UBR4: variants seen among roughly 807,000 people sequenced by gnomAD.
UBR4 encodes E3 ubiquitin-protein ligase UBR4.
Under a neutral mutation model 575.6 loss-of-function variants are expected in UBR4, and 124 were observed. That is an observed-to-expected ratio of 0.22 (90% confidence interval 0.19 to 0.25). UBR4 has a LOEUF of 0.25. UBR4 is among the 10% of genes least tolerant of loss of function. The probability of loss-of-function intolerance (pLI) is 1.00; values close to 1 mark genes in which losing one functional copy is unlikely to be tolerated. For missense variants in UBR4, 4,818 were observed against 6,478.8 expected, an observed-to-expected ratio of 0.74 and a Z score of 8.80; for synonymous variants, 2,455 against 2,473.7, an observed-to-expected ratio of 0.99 and a Z score of 0.22.
intron 60 of UBR4, among the ~76,000 whole-genome samples, chr1:19,133,146 A>G (rs906774649): frequency 3.3e-5 from 5 of 152,316 alleles, no homozygotes; most frequent in Admixed American, 6.5e-5. Flanking sequence ...CCTGACAAAG[A>G]CATCTCAAAG....
At chr1:19,191,300 G>A (rs892592499) in intron 11 of UBR4, among the ~76,000 whole-genome samples, 1 of 151,994 alleles carries the variant, frequency 6.6e-6, no homozygotes, top group Non-Finnish European at 1.5e-5. Context: ...GTGAAACCCC[G>A]TCTCTACTAA....
At chr1:19,206,547 G>C (rs1397028317) in intron 1 of UBR4, among the ~76,000 whole-genome samples, 1 of 152,074 alleles carries the variant, frequency 6.6e-6, no homozygotes, top group African/African-American at 2.4e-5. Context: ...TGTTAGCCAG[G>C]CTGGTCTCAA....
chr1:19,074,715 G>T lies in UBR4; in HGVS notation c.*117C>A. The T allele has an allele frequency of 1.7e-6, 2 of 1,176,212 alleles. No individual in the cohort carries two copies. The highest frequency in any genetic ancestry group is 1.2e-6 in the Non-Finnish European group (1 of 809,240). The allele number at this position is 1,176,212 out of a possible 1,614,324, so 72.9% of individuals were successfully genotyped here. ...AGCCACACCAAGAAAAATGAGAGAGGGGAGGGCGGGGTAACAATGCAGCAT... is the reference window on the plus strand; with the variant it reads ...AGCCACACCAAGAAAAATGAGAGAGTGGAGGGCGGGGTAACAATGCAGCAT... On this transcript the variant is annotated 3_prime_UTR_variant, in exon 106 of 106. Coordinates refer to ENST00000375254, the MANE Select transcript of UBR4 (RefSeq NM_020765.3).
chr1:19,194,971 TG>T lies in UBR4; in HGVS notation c.1019-1415del, dbSNP rs756789117. 5.6e-3 allele frequency among the ~76,000 whole-genome samples: 836 copies of T among 149,542 alleles called. 4 individuals are homozygous for T. The highest frequency in any genetic ancestry group is 9.0e-3 in the Non-Finnish European group (606 of 67,220). On this transcript the variant is annotated intron_variant, in intron 8 of 105. Coordinates refer to ENST00000375254, the MANE Select transcript of UBR4 (RefSeq NM_020765.3). ...CTTAAATAAATAAATAAATAAATAA[TG>T]AAATCTGGCCAGGCACGGTGGCTCA...
chr1:19,172,778 G>T, intron 25 of UBR4, 86 bp downstream of exon 25: 5 of 1,395,720 alleles, frequency 3.6e-6, no homozygotes, highest in African/African-American at 1.4e-5. Flanking sequence ...GCTGAAGAAA[G>T]AGAAAAATGT....
chr1:19,198,937 A>C lies in UBR4; in HGVS notation c.379-9T>G, dbSNP rs747827987. The C allele has an allele frequency of 6.2e-7, 1 of 1,609,848 alleles. No homozygotes were observed. Among genetic ancestry groups the C allele is most frequent in the Non-Finnish European group, 8.5e-7 (1 of 1,178,736 alleles). On this transcript the variant is annotated splice_polypyrimidine_tract_variant and intron_variant, in intron 3 of 105. Transcript: ENST00000375254. ...AGGAGAATCAAGTGTTTCTGAAAAG[A>C]AAACAAATGCAAACAAAAGAAAACA...
Position 19,095,663 on chromosome 1 carries a change from A to C in UBR4, c.13519-11T>G. 1 of 1,613,582 alleles carries C rather than the reference A, an allele frequency of 6.2e-7. No individual in the cohort carries two copies. Among genetic ancestry groups the C allele is most frequent in the Non-Finnish European group, 8.5e-7 (1 of 1,179,616 alleles). ...CAATTTCAGTAGCACCTGACAAGAA[A>C]AGCCAGTCAAAACCCATGAGGCCAC... On this transcript the variant is annotated splice_polypyrimidine_tract_variant and intron_variant, in intron 92 of 105. Transcript: ENST00000375254.
chr1:19,156,637 CT>C, intron 41 of UBR4, 129 bp downstream of exon 41: 1 of 1,399,860 alleles, frequency 7.1e-7, no homozygotes, highest in Non-Finnish European at 9.7e-7. Context: ...AGAAAAATTC[CT>C]TTTGCATTTC....
At chr1:19,128,080 C>A in intron 62 of UBR4, 131 bp downstream of exon 62, 1 of 888,600 alleles carries the variant, frequency 1.1e-6, no homozygotes, top group South Asian at 1.5e-5. Context: ...TTTGTTGACT[C>A]AACAGAATGC....
rs371811019 is a variant in UBR4 at position 19,155,543 on chromosome 1, C to G, written c.6198G>C (p.Ser2066=). ...EGKNIIVIMS[S]AGYIYTQLME... ...TAAGCTGAGTATAGATGTACCCAGCCGAAGACATTATAACAATGATGTTCT... is the reference window on the plus strand; with the variant it reads ...TAAGCTGAGTATAGATGTACCCAGCGGAAGACATTATAACAATGATGTTCT... Residue 2066 remains serine, a synonymous_variant, in exon 43 of 106, where the codon TCG becomes TCC. Transcript: ENST00000375254. 2 of 1,613,940 alleles carry G rather than the reference C, an allele frequency of 1.2e-6. No homozygotes were observed. The highest frequency in any genetic ancestry group is 1.7e-6 in the Non-Finnish European group (2 of 1,179,976).
chr1:19,170,061 A>G (rs894644159), intron 26 of UBR4, among the ~76,000 whole-genome samples: 5 of 152,200 alleles, frequency 3.3e-5, no homozygotes, highest in Admixed American at 6.5e-5. Context: ...AACGGTAACT[A>G]CTGTACTTAA....
intron 11 of UBR4, among the ~76,000 whole-genome samples, 199 bp from the exon 12 acceptor site, chr1:19,187,739 G>T (rs1156673729): frequency 6.6e-6 from 1 of 152,000 alleles, no homozygotes; most frequent in African/African-American, 2.4e-5. Flanking sequence ...TCCACAGATG[G>T]CCTAAGGATC....
chr1:19,189,967 T>C (rs906044591), intron 11 of UBR4, among the ~76,000 whole-genome samples: 4 of 152,058 alleles, frequency 2.6e-5, no homozygotes, highest in Non-Finnish European at 5.9e-5. Context: ...CCAGGTCAAA[T>C]GCCCCTGTTC....
chr1:19,086,141 T>C lies in UBR4; in HGVS notation c.14813+4A>G, dbSNP rs1479219807. ...TTCCACCATGAAAAATACTCAACACTCACCTTGCCAAGCAAGTGGCAAAAG... is the reference window on the plus strand; with the variant it reads ...TTCCACCATGAAAAATACTCAACACCCACCTTGCCAAGCAAGTGGCAAAAG... On this transcript the variant is annotated splice_donor_region_variant and intron_variant, in intron 101 of 105. Coordinates refer to ENST00000375254, the MANE Select transcript of UBR4 (RefSeq NM_020765.3). The C allele has an allele frequency of 4.3e-6, 7 of 1,613,348 alleles. No individual in the cohort carries two copies. The highest frequency in any genetic ancestry group is 5.9e-6 in the Non-Finnish European group (7 of 1,179,900).
chr1:19,153,402 G>A lies in UBR4; in HGVS notation c.6731C>T (p.Ala2244Val). ...CCAGTAGGAGGTGTTCTCCACGTTG[G>A]CCATGTAAATGCGCAGGCTGCCATC... Reference protein sequence around the residue: ...CEDGSLRIYMANVENTSYWLQ... With the variant: ...CEDGSLRIYMVNVENTSYWLQ... The change falls in exon 46 of 106, where the codon GCC becomes GTC. Residue 2244 changes from alanine to valine, a missense_variant. Around this residue, in one of 29 missense-constraint regions of UBR4, gnomAD observed 461 missense variants for 606.9 expected, o/e 0.76. Transcript: ENST00000375254. The surrounding 1 kb of genome is among the most constrained non-coding windows in gnomAD (Gnocchi z 4.1). The A allele has an allele frequency of 6.2e-7, 1 of 1,614,170 alleles. No individual in the cohort carries two copies. Among genetic ancestry groups the A allele is most frequent in the Non-Finnish European group, 8.5e-7 (1 of 1,180,018 alleles).
chr1:19,124,837 T>A, intron 64 of UBR4, 147 bp from the exon 65 acceptor site: 1 of 1,083,474 alleles, frequency 9.2e-7, no homozygotes, highest in Non-Finnish European at 1.3e-6. Context: ...ACTGACAGTT[T>A]ATTCTATAAA....
chr1:19,161,275 C>A, intron 37 of UBR4, 128 bp from the exon 38 acceptor site: 1 of 899,180 alleles, frequency 1.1e-6, no homozygotes, highest in African/African-American at 1.7e-5. Context: ...TATCCAAAAG[C>A]CTAAATTCTG....
At chr1:19,118,598 T>A (rs940204775) in intron 71 of UBR4, 3 of 332,460 alleles carry the variant, frequency 9.0e-6, no homozygotes, top group African/African-American at 6.4e-5. Flanking sequence ...CTTTTTTAAA[T>A]TTTTTTTTAA....
rs780216203 is a variant in UBR4, at chr1:19,177,591, A to G, written c.2507T>C (p.Ile836Thr). 3.1e-6 allele frequency: 5 copies of G among 1,613,928 alleles called. No individual in the cohort carries two copies. In the South Asian group the frequency reaches 3.3e-5, roughly 11 times the overall value. Reference protein sequence around the residue: ...RRAILSLFVQIIQELSVNMDA... With the variant: ...RRAILSLFVQTIQELSVNMDA... ...CATGTTGACGCTCAACTCCTGGATG[A>G]TCTGGACAAAAAGCGACAATATGGC... The change falls in exon 19 of 106, where the codon ATC becomes ACC. Residue 836 changes from isoleucine to threonine, a missense_variant. Coordinates refer to ENST00000375254, the MANE Select transcript of UBR4 (RefSeq NM_020765.3).
Sources: allele counts gnomAD v4.1 joint callset (sites outside exome capture counted in the v4.1 genomes callset), GRCh38; gene constraint gnomAD v4.1.1; regional missense constraint gnomAD v4.1.1; non-coding constraint Gnocchi (gnomAD v3.1); transcripts MANE v1.5; gene names NCBI Gene and HGNC (gene_info 2026-07-23, HGNC 2026-07-21).